Variants in ADAMTSL4 observed in about 807,000 individuals in gnomAD.
The protein encoded by ADAMTSL4 is ADAMTS like 4, also known as ADAMTS-like protein 4.
A neutral mutation model predicts 122.8 loss-of-function variants in ADAMTSL4; 97 were observed. That is an observed-to-expected ratio of 0.79 (90% CI 0.67 to 0.93). The LOEUF (loss-of-function observed/expected upper bound fraction) is 0.93. Ranked by LOEUF, ADAMTSL4 falls within the 40% of genes least tolerant of loss-of-function variation. The probability of loss-of-function intolerance (pLI) is 0.00; values close to 1 mark genes in which losing one functional copy is unlikely to be tolerated. For missense variants in ADAMTSL4, 1,408 were observed against 1,453.5 expected, an observed-to-expected ratio of 0.97 and a Z score of 0.51; for synonymous variants, 592 against 568.0, an observed-to-expected ratio of 1.04 and a Z score of -0.60.
In ADAMTSL4 at chr1:150,560,170, G is replaced by C. The variant is rs587758883; in HGVS notation, c.3199G>C (p.Glu1067Gln). ...TCCRSCAHVL[E>Q]RSPQDPS is the part of the protein sequence containing the mutation. ...TTGCCGCTCTTGCGCACATGTCCTGGAGCGGTCTCCCCAGGATCCCTCCTG... is the reference window on the plus strand; with the variant it reads ...TTGCCGCTCTTGCGCACATGTCCTGCAGCGGTCTCCCCAGGATCCCTCCTG... Residue 1067 changes from glutamate (E) to glutamine (Q), a missense_variant, in exon 19 of 19, where the codon GAG becomes CAG. Physicochemically the swap from Glu to Gln is conservative, Grantham distance 29. Coordinates refer to ENST00000271643, the MANE Select transcript of ADAMTSL4 (RefSeq NM_019032.6). 16 of 1,614,032 alleles carry C rather than the reference G, an allele frequency of 9.9e-6. No homozygotes were observed. In the East Asian group the frequency reaches 2.9e-4, roughly 29 times the overall value.
chr1:150,551,986 C>T, intron 2 of ADAMTSL4: 1 of 446,214 alleles, frequency 2.2e-6, no homozygotes, highest in Non-Finnish European at 4.0e-6. Flanking sequence ...CCCTACAGGG[C>T]CCAGAGGTGG....
rs768995007 is a variant in ADAMTSL4 at position 150,557,212 on chromosome 1, C to T, written c.1924C>T (p.Leu642Phe). 6.2e-7 allele frequency: 1 copy of T among 1,612,258 alleles called. No homozygotes were observed. The highest frequency in any genetic ancestry group is 1.1e-5 in the South Asian group (1 of 91,044). Residue 642 changes from leucine to phenylalanine, a missense_variant, in exon 12 of 19, where the codon CTC becomes TTC. Physicochemically the swap from Leu to Phe is conservative, Grantham distance 22. Transcript: ENST00000271643. ...CCGCCCAGCCCGGACCCCAGGCACCCTCCAGCGTCAGGTGCGGATCCCCCA... is the reference window on the plus strand; with the variant it reads ...CCGCCCAGCCCGGACCCCAGGCACCTTCCAGCGTCAGGTGCGGATCCCCCA... ...APRPARTPGT[L>F]QRQVRIPQMP...
chr1:150,553,731 C>G lies in ADAMTSL4; in HGVS notation c.740C>G (p.Ala247Gly), dbSNP rs1272576990. The G allele has an allele frequency of 6.2e-7, 1 of 1,612,894 alleles. No individual in the cohort carries two copies. The highest frequency in any genetic ancestry group is 1.7e-5 in the Admixed American group (1 of 59,938). The stretch of plus-strand genomic sequence containing the variant: ...GAGGTGGCCCCCAGAACCAGGCCTG[C>G]CCCCCTACGGCATCACCCCAGAGCC... ...QTEVAPRTRP[A>G]PLRHHPRAQA... is the part of the protein sequence containing the mutation. Residue 247 changes from alanine (A) to glycine (G), a missense_variant, in exon 6 of 19, where the codon GCC (alanine) becomes GGC (glycine). By Grantham distance (60) the Ala-to-Gly change is moderately conservative (BLOSUM62 0). Coordinates refer to ENST00000271643, the MANE Select transcript of ADAMTSL4 (RefSeq NM_019032.6).
chr1:150,560,369 G>C lies in ADAMTSL4; in HGVS notation c.*173G>C, dbSNP rs1672651529. On this transcript the variant is annotated 3_prime_UTR_variant, in exon 19 of 19. Coordinates refer to ENST00000271643, the MANE Select transcript of ADAMTSL4 (RefSeq NM_019032.6). ...AAGTGACTTTCAGGGCTGTGGTCAG[G>C]CCCATGTGGTGGTGTGATGGGTGTG... 1.9e-6 allele frequency: 2 copies of C among 1,051,732 alleles called. No homozygotes were observed. Among genetic ancestry groups the C allele is most frequent in the African/African-American group, 3.2e-5 (2 of 63,072 alleles). 65.1% of individuals were successfully genotyped at this position (1,051,732 alleles called of 1,614,324 possible).
chr1:150,558,620 G>A lies in ADAMTSL4; in HGVS notation c.2530G>A (p.Ala844Thr). The change falls in exon 15 of 19, where the codon GCC becomes ACC. Residue 844 changes from alanine (A) to threonine (T), a missense_variant. Coordinates refer to ENST00000271643, the MANE Select transcript of ADAMTSL4 (RefSeq NM_019032.6). ...EACDMGPCTTAWFHSDWSSKC... is the reference protein window; with the variant it reads ...EACDMGPCTTTWFHSDWSSKC... ...CTGTGACATGGGGCCCTGTACTACTGCCTGGTTCCACAGCGACTGGAGCTC... is the reference window on the plus strand; with the variant it reads ...CTGTGACATGGGGCCCTGTACTACTACCTGGTTCCACAGCGACTGGAGCTC... The A allele has an allele frequency of 4.3e-6, 7 of 1,613,886 alleles. No individual in the cohort carries two copies. Among genetic ancestry groups the A allele is most frequent in the Non-Finnish European group, 5.9e-6 (7 of 1,179,990 alleles).
At position 150,559,551 on chromosome 1, in the gene ADAMTSL4, C is replaced by T; in HGVS notation, c.2943+85C>T. 8 of 1,586,136 alleles carry T rather than the reference C, an allele frequency of 5.0e-6. No homozygotes were observed. Among genetic ancestry groups the T allele is most frequent in the Non-Finnish European group, 6.9e-6 (8 of 1,164,966 alleles). ...TCCTCTCGCTGTACCCCCTCCAGGT[C>T]TCTCTGTGCCCCAGAATAAGCCCAG... On this transcript the variant is annotated intron_variant, in intron 17 of 18. Transcript: ENST00000271643. The surrounding 1 kb of genome is among the most constrained non-coding windows in gnomAD (Gnocchi z 4.1).
chr1:150,557,077 A>G, intron 11 of ADAMTSL4, 27 bp downstream of exon 11: 1 of 1,612,812 alleles, frequency 6.2e-7, no homozygotes, highest in Non-Finnish European at 8.5e-7. Context: ...TGCACTTGGA[A>G]GGAGGAGGGA....
At chr1:150,555,648 C>CACAT (rs1671969038) in intron 8 of ADAMTSL4, 83 bp downstream of exon 8, 3 of 1,575,700 alleles carry the variant, frequency 1.9e-6, no homozygotes, top group South Asian at 2.3e-5. Flanking sequence ...CATGTACACA[C>CACAT]ATATGTATGA....
chr1:150,554,795 G>A lies in ADAMTSL4; in HGVS notation c.1234+328G>A. 1 of 791,260 alleles carries A rather than the reference G, an allele frequency of 1.3e-6. No individual in the cohort carries two copies. The allele number at this position is 791,260 out of a possible 1,614,324, so 49.0% of individuals were successfully genotyped here. On this transcript the variant is annotated intron_variant, in intron 7 of 18. Coordinates refer to ENST00000271643, the MANE Select transcript of ADAMTSL4 (RefSeq NM_019032.6). The surrounding 1 kb of genome is among the most constrained non-coding windows in gnomAD (Gnocchi z 4.0). ...CCAGCCGTGACAGCCAGGTGGGGGT[G>A]TGCCACGCATCCTGGGCACTGTCGT...
chr1:150,550,987 A>C, intron 2 of ADAMTSL4: 1 of 456,162 alleles, frequency 2.2e-6, no homozygotes, highest in South Asian at 1.5e-5. Context: ...ATCCAACAGA[A>C]ACAGATTTTT....
At position 150,556,905 on chromosome 1, in the gene ADAMTSL4, C is replaced by T. The variant is rs1309218959; in HGVS notation, c.1750-34C>T. 6.2e-7 allele frequency: 1 copy of T among 1,609,868 alleles called. No individual in the cohort carries two copies. Among genetic ancestry groups the T allele is most frequent in the East Asian group, 2.2e-5 (1 of 44,862 alleles). On this transcript the variant is annotated intron_variant, in intron 10 of 18. Transcript: ENST00000271643. This position sits in a 1 kb window ranked among gnomAD's most constrained non-coding sequence, Gnocchi z 4.1. Reference sequence around the variant, plus strand: ...AGCTGGTGGCATCCTCTTCTGGCCACCCCCACATATTCATTATCTTCTCTT... The same window carrying T: ...AGCTGGTGGCATCCTCTTCTGGCCATCCCCACATATTCATTATCTTCTCTT...
In ADAMTSL4 at chr1:150,552,618, G is replaced by A; in HGVS notation, c.78+18G>A. On this transcript the variant is annotated intron_variant, in intron 4 of 18. Coordinates refer to ENST00000271643, the MANE Select transcript of ADAMTSL4 (RefSeq NM_019032.6). This position sits in a 1 kb window ranked among gnomAD's most constrained non-coding sequence, Gnocchi z 4.0. ...ATCAGGAGGTGAGTTCTGGACAAGTGAGCAGCTGCAGCCTGCCTGCCACCC... is the reference window on the plus strand; with the variant it reads ...ATCAGGAGGTGAGTTCTGGACAAGTAAGCAGCTGCAGCCTGCCTGCCACCC... The A allele has an allele frequency of 6.2e-7, 1 of 1,609,946 alleles. No homozygotes were observed. Among genetic ancestry groups the A allele is most frequent in the Non-Finnish European group, 8.5e-7 (1 of 1,178,480 alleles).
In ADAMTSL4 at chr1:150,560,898, A is replaced by AATTT. The variant is rs1252610440; in HGVS notation, c.*707_*710dup. ...CCTGAAATGGTTCCCACCCAGAACTAATTTATTTTTTATTAAAGATGGTCA... is the reference window on the plus strand; with the variant it reads ...CCTGAAATGGTTCCCACCCAGAACTAATTTATTTATTTTTTATTAAAGATGGTCA... On this transcript the variant is annotated 3_prime_UTR_variant, in exon 19 of 19. Coordinates refer to ENST00000271643, the MANE Select transcript of ADAMTSL4 (RefSeq NM_019032.6). 6.3e-6 allele frequency: 1 copy of AATTT among 159,120 alleles called. No homozygotes were observed. The highest frequency in any genetic ancestry group is 1.9e-4 in the East Asian group (1 of 5,292). The allele number at this position is 159,120 out of a possible 1,614,324, so 9.9% of individuals were successfully genotyped here.
rs1007699595 is a variant in ADAMTSL4 at position 150,555,343 on chromosome 1, C to A, written c.1235-86C>A. On this transcript the variant is annotated intron_variant, in intron 7 of 18. Coordinates refer to ENST00000271643, the MANE Select transcript of ADAMTSL4 (RefSeq NM_019032.6). ...TTTCCTTCATCCACAGTGACCTGGGCAACCTCAAGGTGCCCCCTCTGGGGC... is the reference window on the plus strand; with the variant it reads ...TTTCCTTCATCCACAGTGACCTGGGAAACCTCAAGGTGCCCCCTCTGGGGC... 1.5e-5 allele frequency: 23 copies of A among 1,560,466 alleles called. 1 individual carries two copies. The highest frequency in any genetic ancestry group is 2.1e-4 in the Middle Eastern group (1 of 4,876).
chr1:150,555,030 C>T (rs1192378864), intron 7 of ADAMTSL4, among the ~76,000 whole-genome samples: 1 of 150,910 alleles, frequency 6.6e-6, no homozygotes, highest in Non-Finnish European at 1.5e-5. Context: ...CACTCTGTCA[C>T]CCAGGCTGGA....
intron 15 of ADAMTSL4, 84 bp from the exon 16 acceptor site, chr1:150,558,878 G>A: frequency 6.5e-7 from 1 of 1,540,018 alleles, no homozygotes; most frequent in Non-Finnish European, 8.7e-7. Flanking sequence ...TTCGGACCCA[G>A]GATGCGTCCC....
chr1:150,560,586 C>T lies in ADAMTSL4; in HGVS notation c.*390C>T, dbSNP rs1270361462. ...AGCTACTTAGAGTGTGGTCTCCCCA[C>T]CAACTCCAGTTTTGTGCCCTAAGCC... On this transcript the variant is annotated 3_prime_UTR_variant, in exon 19 of 19. Coordinates refer to ENST00000271643, the MANE Select transcript of ADAMTSL4 (RefSeq NM_019032.6). 1 of 275,536 alleles carries T rather than the reference C, an allele frequency of 3.6e-6. No homozygotes were observed. Among genetic ancestry groups the T allele is most frequent in the African/African-American group, 2.2e-5 (1 of 46,268 alleles). 17.1% of individuals were successfully genotyped at this position (275,536 alleles called of 1,614,324 possible).
intron 2 of ADAMTSL4, chr1:150,551,481 A>C (rs1671398278): frequency 5.8e-6 from 1 of 173,136 alleles, no homozygotes; most frequent in African/African-American, 2.4e-5. Flanking sequence ...TGGAAGACCC[A>C]AGGAAGGGGC....
rs587721308 is a variant in ADAMTSL4, at chr1:150,553,948, G to A, written c.957G>A (p.Thr319=). 19 of 1,603,718 alleles carry A rather than the reference G, an allele frequency of 1.2e-5. No individual in the cohort carries two copies. The Admixed American group carries it at 1.4e-4, about 11-fold the overall frequency. ...RGQQGQGPWG[T]GGTPHGPRLE... is the part of the protein sequence containing the mutation. Reference sequence around the variant, plus strand: ...AGCAGGGCCAAGGGCCTTGGGGAACGGGGGGGACTCCTCACGGGCCCCGCC... The same window carrying A: ...AGCAGGGCCAAGGGCCTTGGGGAACAGGGGGGACTCCTCACGGGCCCCGCC... Residue 319 remains threonine (T), a synonymous_variant, in exon 6 of 19, where the codon ACG becomes ACA. Transcript: ENST00000271643.
Sources: gnomAD v4.1 joint callset for allele counts (sites outside exome capture counted in the v4.1 genomes callset) on GRCh38, gnomAD v4.1.1 for gene constraint, Gnocchi (gnomAD v3.1) non-coding constraint, MANE v1.5 for transcripts, NCBI Gene and HGNC (gene_info 2026-07-23, HGNC 2026-07-21) for gene names.